DLGAP2: variants seen among roughly 807,000 people sequenced by gnomAD.
DLGAP2 encodes DLG associated protein 2.
In DLGAP2, 26 loss-of-function variants were observed where a neutral mutation model predicts 100.3. The ratio of observed to expected loss-of-function variants is 0.26; its 90% CI spans 0.19 to 0.36. DLGAP2 has a LOEUF of 0.36. Among genes scored for constraint, DLGAP2 ranks in the 10% least tolerant of loss-of-function variants. The probability of loss-of-function intolerance (pLI) is 1.00; values close to 1 mark genes in which losing one functional copy is unlikely to be tolerated. For missense variants in DLGAP2, 1,858 were observed against 1,453.2 expected, an observed-to-expected ratio of 1.28 and a Z score of -4.53; for synonymous variants, 886 against 630.1, an observed-to-expected ratio of 1.41 and a Z score of -6.08.
chr8:1,171,023 T>C (rs1797117324), intron 2 of DLGAP2, among the ~76,000 whole-genome samples: 1 of 151,956 alleles, frequency 6.6e-6, no homozygotes, highest in African/African-American at 2.4e-5. Context: ...GGGCATTTAG[T>C]GCTATAAATT....
At chr8:1,637,879 T>G (rs1797805388) in intron 8 of DLGAP2, among the ~76,000 whole-genome samples, 1 of 152,198 alleles carries the variant, frequency 6.6e-6, no homozygotes, top group African/African-American at 2.4e-5. Context: ...AAGCCAGCAC[T>G]GCAGCAGCGT....
At chr8:1,029,435 G>C (rs754858075) in intron 2 of DLGAP2, among the ~76,000 whole-genome samples, 8 of 152,228 alleles carry the variant, frequency 5.3e-5, no homozygotes, top group Non-Finnish European at 1.0e-4. Context: ...GAAATCAATG[G>C]AAGAGGTTCT....
chr8:1,549,221 C>T lies in DLGAP2; in HGVS notation c.768C>T (p.Gly256=), dbSNP rs764430178. The T allele has an allele frequency of 1.9e-6, 3 of 1,603,974 alleles. No individual in the cohort carries two copies. The highest frequency in any genetic ancestry group is 2.7e-5 in the African/African-American group (2 of 74,786). ...GCTCCTCCAAAAGCAACGCCAACGG[C>T]ACCAAGGCGGACGGCCGGGCGGACG... The part of the protein sequence containing the change: ...LEGSSKSNAN[G]TKADGRADDH... Residue 256 remains glycine, a synonymous_variant, in exon 5 of 15, where the codon GGC becomes GGT. Transcript: ENST00000637795.
intron 2 of DLGAP2, among the ~76,000 whole-genome samples, chr8:965,613 G>GCAAC (rs1563117963): frequency 2.8e-4 from 28 of 98,364 alleles, no homozygotes; most frequent in African/African-American, 8.6e-4. Flanking sequence ...CCTGAGTCTG[G>GCAAC]CCCCGCACTG....
chr8:1,320,294 A>C (rs1487555215), intron 3 of DLGAP2, among the ~76,000 whole-genome samples: 3 of 152,076 alleles, frequency 2.0e-5, no homozygotes, highest in Non-Finnish European at 4.4e-5. Flanking sequence ...AGCAGACACA[A>C]GGTGGCAGCT....
chr8:1,624,943 A>T (rs920876639), intron 6 of DLGAP2, among the ~76,000 whole-genome samples: 1 of 151,972 alleles, frequency 6.6e-6, no homozygotes, highest in South Asian at 2.1e-4. Flanking sequence ...GCTATATGTT[A>T]TACATTTTCT....
At chr8:743,016 C>T (rs1012841485) in intron 1 of DLGAP2, among the ~76,000 whole-genome samples, 4 of 152,118 alleles carry the variant, frequency 2.6e-5, no homozygotes, top group Non-Finnish European at 4.4e-5. Context: ...TGAGTCAGTC[C>T]ACAATGGAAG....
chr8:738,746 G>T (rs1161674585), intron 1 of DLGAP2: 6 of 152,992 alleles, frequency 3.9e-5, no homozygotes, highest in Non-Finnish European at 8.7e-5. Flanking sequence ...CTCAGCGCGC[G>T]GCGTGTGCGG....
chr8:1,445,486 T>A (rs1797960791), intron 3 of DLGAP2, among the ~76,000 whole-genome samples: 1 of 151,914 alleles, frequency 6.6e-6, no homozygotes, highest in Admixed American at 6.6e-5. Context: ...ATCCAGTCTA[T>A]CGTTGTTGGA....
At chr8:1,187,170 T>C (rs1034460772) in intron 2 of DLGAP2, among the ~76,000 whole-genome samples, 1 of 152,220 alleles carries the variant, frequency 6.6e-6, no homozygotes, top group Non-Finnish European at 1.5e-5. Flanking sequence ...ATGGGGGCAA[T>C]AGTCACAACA....
chr8:1,253,612 G>T (rs184765670), intron 2 of DLGAP2, among the ~76,000 whole-genome samples: 19 of 152,284 alleles, frequency 1.2e-4, no homozygotes, highest in African/African-American at 4.3e-4. Context: ...TGCTGTTCAC[G>T]TGTGGAGCTC....
chr8:889,415 C>G (rs1229037107), intron 1 of DLGAP2, among the ~76,000 whole-genome samples: 1 of 152,142 alleles, frequency 6.6e-6, no homozygotes, highest in Non-Finnish European at 1.5e-5. Flanking sequence ...GTCTGCTGGT[C>G]CAGAGACTGT....
At chr8:1,417,993 G>A (rs1384982497) in intron 3 of DLGAP2, among the ~76,000 whole-genome samples, 2 of 152,226 alleles carry the variant, frequency 1.3e-5, no homozygotes, top group African/African-American at 4.8e-5. Flanking sequence ...AAATCAGCAC[G>A]TTTGGAGAAT....
At chr8:1,173,949 C>T (rs919271139) in intron 2 of DLGAP2, among the ~76,000 whole-genome samples, 2 of 152,210 alleles carry the variant, frequency 1.3e-5, no homozygotes, top group African/African-American at 2.4e-5. Flanking sequence ...GATGGAAATG[C>T]AGAAATCACC....
At chr8:1,214,437 G>GT (rs1798170892) in intron 2 of DLGAP2, among the ~76,000 whole-genome samples, 1 of 152,204 alleles carries the variant, frequency 6.6e-6, no homozygotes, top group East Asian at 1.9e-4. Flanking sequence ...AAGCAGGGCT[G>GT]TTTGGTGGTT....
At chr8:963,242 C>T (rs1799769169) in intron 2 of DLGAP2, among the ~76,000 whole-genome samples, 1 of 149,206 alleles carries the variant, frequency 6.7e-6, no homozygotes, top group Non-Finnish European at 1.5e-5. Flanking sequence ...CACCCCACGA[C>T]CCCATTTGGA....
At chr8:823,064 C>T (rs1034311844) in intron 1 of DLGAP2, among the ~76,000 whole-genome samples, 6 of 151,904 alleles carry the variant, frequency 3.9e-5, no homozygotes, top group African/African-American at 1.5e-4. Context: ...CAGGGGGGGC[C>T]ATGTTGCTGC....
intron 1 of DLGAP2, among the ~76,000 whole-genome samples, chr8:886,651 G>T (rs1351129236): frequency 6.6e-6 from 1 of 152,194 alleles, no homozygotes; most frequent in Non-Finnish European, 1.5e-5. Context: ...TCAGGAGCAG[G>T]TTGTTCAATT....
chr8:1,039,930 GCA>G (rs1802273040), intron 2 of DLGAP2, among the ~76,000 whole-genome samples: 1 of 144,010 alleles, frequency 6.9e-6, no homozygotes, highest in African/African-American at 2.6e-5. Flanking sequence ...AGCTCGGTGT[GCA>G]TGGTCGGCTC....
Sources: allele counts gnomAD v4.1 joint callset (sites outside exome capture counted in the v4.1 genomes callset), GRCh38; gene constraint gnomAD v4.1.1; transcripts MANE v1.5; gene names NCBI Gene and HGNC (gene_info 2026-07-23, HGNC 2026-07-21).